Variants in ARHGEF7 observed in about 807,000 individuals in gnomAD.
The protein encoded by ARHGEF7 is Rho guanine nucleotide exchange factor 7, also known as PAK-interacting exchange factor beta.
ARHGEF7 carries 33 observed loss-of-function variants against 109.8 expected under a neutral mutation model. The ratio of observed to expected loss-of-function variants is 0.30; its 90% CI spans 0.23 to 0.40. ARHGEF7 has a LOEUF of 0.40. ARHGEF7 is among the 10% of genes least tolerant of loss of function. The probability of loss-of-function intolerance (pLI) is 1.00; values close to 1 mark genes in which losing one functional copy is unlikely to be tolerated. For missense variants in ARHGEF7, 938 were observed against 1,098.5 expected (o/e 0.85, Z 2.07); for synonymous variants, 458 against 424.6 (o/e 1.08, Z -0.97).
At chr13:111,183,639 C>T (rs1272697938) in intron 2 of ARHGEF7, among the ~76,000 whole-genome samples, 1 of 152,076 alleles carries the variant, frequency 6.6e-6, no homozygotes, top group East Asian at 1.9e-4. Context: ...TGGATTTTTA[C>T]CTATAAACCC....
intron 19 of ARHGEF7, chr13:111,294,270 G>C: frequency 1.0e-6 from 1 of 985,476 alleles, no homozygotes; most frequent in Non-Finnish European, 1.2e-6. Context: ...GCGTCAGGGA[G>C]CACTTTTTTG....
intron 8 of ARHGEF7, among the ~76,000 whole-genome samples, chr13:111,250,755 A>G (rs2089644535): frequency 6.6e-6 from 1 of 152,170 alleles, no homozygotes; most frequent in Non-Finnish European, 1.5e-5. Flanking sequence ...TTCAGGTTTG[A>G]TAATTTGCTG....
chr13:111,195,482 G>A (rs549657898), intron 2 of ARHGEF7, among the ~76,000 whole-genome samples: 136 of 152,312 alleles, frequency 8.9e-4, no homozygotes, highest in Middle Eastern at 6.8e-3. Context: ...GAGGATAGTC[G>A]TCCAGGACTG....
chr13:111,196,953 A>C (rs1005728436), intron 2 of ARHGEF7, among the ~76,000 whole-genome samples: 5 of 152,274 alleles, frequency 3.3e-5, no homozygotes, highest in African/African-American at 1.2e-4. Context: ...CATAGTGCAG[A>C]AAAAAATAAG....
rs1847102351 is a variant in ARHGEF7, at chr13:111,283,322, G to A, written c.1909G>A (p.Ala637Thr). The A allele has an allele frequency of 2.6e-6, 4 of 1,561,714 alleles. No homozygotes were observed. Among genetic ancestry groups the A allele is most frequent in the African/African-American group, 2.7e-5 (2 of 73,974 alleles). The part of the protein sequence containing the change: ...KPWSLSCLRP[A>T]PPLRPSAALC... ...CTGGAGCCTGAGCTGCCTGCGGCCC[G>A]CGCCTCCCCTCCGGCCCTCAGCTGC... is the stretch of plus-strand genomic sequence containing the variant. Residue 637 changes from alanine to threonine, a missense_variant, in exon 16 of 22, where the codon GCG becomes ACG. By Grantham distance (58) the Ala-to-Thr change is moderately conservative (BLOSUM62 0). This residue lies in a region of ARHGEF7 where 585 missense variants were observed against 723.6 expected (regional missense o/e 0.81). Coordinates refer to ENST00000646102, the MANE Select transcript of ARHGEF7 (RefSeq NM_001354046.2).
intron 1 of ARHGEF7, among the ~76,000 whole-genome samples, chr13:111,140,039 A>G (rs1470442375): frequency 6.6e-6 from 1 of 152,188 alleles, no homozygotes; most frequent in Non-Finnish European, 1.5e-5. Flanking sequence ...TAGACCAACT[A>G]TATTACTTTT....
chr13:111,230,027 G>A (rs1421521413), intron 5 of ARHGEF7, among the ~76,000 whole-genome samples: 1 of 152,160 alleles, frequency 6.6e-6, no homozygotes, highest in East Asian at 1.9e-4. Flanking sequence ...GTTGGGTGTA[G>A]CCCCAGCTGC....
intron 2 of ARHGEF7, among the ~76,000 whole-genome samples, chr13:111,172,957 C>G (rs974814934): frequency 2.6e-5 from 4 of 152,192 alleles, no homozygotes; most frequent in Non-Finnish European, 5.9e-5. Context: ...CTGAAACGCT[C>G]CTGGTCCCAA....
intron 16 of ARHGEF7, among the ~76,000 whole-genome samples, chr13:111,283,973 T>A (rs1247829654): frequency 6.6e-6 from 1 of 152,138 alleles, no homozygotes; most frequent in Non-Finnish European, 1.5e-5. Flanking sequence ...GTGTTAACAC[T>A]TCCTTACACT....
intron 6 of ARHGEF7, among the ~76,000 whole-genome samples, chr13:111,234,878 C>G (rs558604421): frequency 6.6e-6 from 1 of 152,166 alleles, no homozygotes; most frequent in South Asian, 2.1e-4. Flanking sequence ...TCCTAGTGCT[C>G]TGCATCGCCT....
chr13:111,274,708 T>C, intron 10 of ARHGEF7, 23 bp from the exon 11 acceptor site: 3 of 1,397,664 alleles, frequency 2.1e-6, no homozygotes, highest in African/African-American at 1.5e-5. Context: ...TGAAAGCTAA[T>C]TGTATGTTTC....
chr13:111,271,593 G>A (rs1595399522), intron 9 of ARHGEF7, among the ~76,000 whole-genome samples: 1 of 152,186 alleles, frequency 6.6e-6, no homozygotes, highest in African/African-American at 2.4e-5. Context: ...GACAAAAGAT[G>A]TTGAGTTGTC....
At position 111,255,287 on chromosome 13, in the gene ARHGEF7, A is replaced by G. The variant is rs1457789444; in HGVS notation, c.950+10993A>G. On this transcript the variant is annotated intron_variant, in intron 8 of 21. Transcript: ENST00000646102. The surrounding 1 kb of genome is among the most constrained non-coding windows in gnomAD (Gnocchi z 4.1). ...ATGTCACAGGGGAGGGTGGAAGCGGATACTGGGAGCTGCAGACTTCCCACC... is the reference window on the plus strand; with the variant it reads ...ATGTCACAGGGGAGGGTGGAAGCGGGTACTGGGAGCTGCAGACTTCCCACC... Among the ~76,000 whole-genome samples the G allele has an allele frequency of 1.3e-5, 2 of 152,218 alleles. No individual in the cohort carries two copies. Among genetic ancestry groups the G allele is most frequent in the Non-Finnish European group, 2.9e-5 (2 of 68,034 alleles).
In ARHGEF7 at chr13:111,273,903, G is replaced by A. The variant is rs778093839; in HGVS notation, c.1163G>A (p.Arg388His). The A allele has an allele frequency of 5.6e-6, 9 of 1,614,030 alleles. No homozygotes were observed. The highest frequency in any genetic ancestry group is 1.3e-5 in the African/African-American group (1 of 74,900). ...ACGGGCCTGAGCAAACCCTTCATGC[G>A]CCTGGATAAATACCCTACGCTGCTC... The part of the protein sequence containing the change: ...LTTGLSKPFM[R>H]LDKYPTLLKE... Residue 388 changes from arginine to histidine, a missense_variant, in exon 10 of 22, where the codon CGC (arginine) becomes CAC (histidine). Coordinates refer to ENST00000646102, the MANE Select transcript of ARHGEF7 (RefSeq NM_001354046.2). This position sits in a 1 kb window ranked among gnomAD's most constrained non-coding sequence, Gnocchi z 4.5.
intron 1 of ARHGEF7, among the ~76,000 whole-genome samples, chr13:111,120,138 C>T (rs2067082963): frequency 6.6e-6 from 1 of 152,186 alleles, no homozygotes. Flanking sequence ...AAGCATGTGA[C>T]TTTATAGTCC....
At chr13:111,146,250 T>A (rs544925676) in intron 1 of ARHGEF7, among the ~76,000 whole-genome samples, 1 of 152,344 alleles carries the variant, frequency 6.6e-6, no homozygotes, top group African/African-American at 2.4e-5. Flanking sequence ...TCAGTCTATA[T>A]ATACCACTAG....
chr13:111,244,165 T>G, intron 7 of ARHGEF7, 34 bp from the exon 8 acceptor site: 7 of 1,464,646 alleles, frequency 4.8e-6, no homozygotes, highest in Non-Finnish European at 6.6e-6. Flanking sequence ...TAAAACTGTT[T>G]ACATATGTTT....
intron 1 of ARHGEF7, among the ~76,000 whole-genome samples, chr13:111,132,294 C>G (rs2074795529): frequency 1.3e-5 from 2 of 152,278 alleles, no homozygotes; most frequent in South Asian, 4.1e-4. Flanking sequence ...TTGTTTGTTA[C>G]TCTCAAAATG....
At chr13:111,257,013 G>T (rs558021201) in intron 8 of ARHGEF7, among the ~76,000 whole-genome samples, 14 of 152,204 alleles carry the variant, frequency 9.2e-5, no homozygotes, top group Non-Finnish European at 1.9e-4. Context: ...AGCTAATTTA[G>T]ATTGGTTCCA....
Sources: gnomAD v4.1 joint callset for allele counts (sites outside exome capture counted in the v4.1 genomes callset) on GRCh38, gnomAD v4.1.1 for gene constraint, gnomAD v4.1.1 regional missense constraint, Gnocchi (gnomAD v3.1) non-coding constraint, MANE v1.5 for transcripts, NCBI Gene and HGNC (gene_info 2026-07-23, HGNC 2026-07-21) for gene names.